Variants in JAKMIP3 observed in about 807,000 individuals in gnomAD.
The protein encoded by JAKMIP3 is Janus kinase and microtubule interacting protein 3, also known as janus kinase and microtubule-interacting protein 3.
In JAKMIP3, 58 loss-of-function variants were observed where a neutral mutation model predicts 118.5. That is an observed-to-expected ratio of 0.49 (90% CI 0.40 to 0.61). JAKMIP3 has a LOEUF of 0.61. JAKMIP3 is among the 20% of genes least tolerant of loss of function. JAKMIP3 has a pLI of 0.00. For synonymous variants in JAKMIP3, 486 were observed against 451.2 expected (o/e 1.08, Z -0.98); for missense variants, 950 against 1,109.0 (o/e 0.86, Z 2.04).
At position 132,139,332 on chromosome 10, in the gene JAKMIP3, T is replaced by G. The variant is rs112482683; in HGVS notation, c.1345-1119T>G. Among the ~76,000 whole-genome samples the G allele has an allele frequency of 4.9e-4, 67 of 137,796 alleles. 2 individuals are homozygous for G. The Middle Eastern group carries it at 0.012, about 25-fold the overall frequency. 90.4% of individuals were successfully genotyped at this position (137,796 alleles called of 152,430 possible). ...AGTGTGTATGTGTATGTGTGTGTGT[T>G]TGTATGTGTGTACATGTGAGTGTAT... On this transcript the variant is annotated intron_variant, in intron 9 of 23. Coordinates refer to ENST00000684848, the MANE Select transcript of JAKMIP3 (RefSeq NM_001323087.2).
chr10:132,175,093 GA>G (rs2060027045), intron 23 of JAKMIP3, among the ~76,000 whole-genome samples: 2 of 152,132 alleles, frequency 1.3e-5, no homozygotes, highest in East Asian at 3.8e-4. Context: ...TTAAAGAGCA[GA>G]AATTCTTAAT....
chr10:132,109,073 T>TACAC (rs137985077), intron 2 of JAKMIP3, among the ~76,000 whole-genome samples: 136,716 of 140,928 alleles, frequency 0.97, 66,435 homozygotes, highest in East Asian at 0.99. Context: ...TATACACACA[T>TACAC]ACACATATAT....
intron 13 of JAKMIP3, among the ~76,000 whole-genome samples, chr10:132,146,780 G>A (rs1231825328): frequency 2.6e-5 from 4 of 152,178 alleles, no homozygotes; most frequent in African/African-American, 4.8e-5. Flanking sequence ...CTTGAATGGC[G>A]AACGACACCC....
At chr10:132,135,726 C>T (rs1396499062) in intron 5 of JAKMIP3, among the ~76,000 whole-genome samples, 1 of 152,086 alleles carries the variant, frequency 6.6e-6, no homozygotes, top group African/African-American at 2.4e-5. Flanking sequence ...GGGCACTGGA[C>T]GAGCAGGTTC....
chr10:132,064,712 T>C (rs1039154482), upstream of JAKMIP3, among the ~76,000 whole-genome samples: 1 of 152,188 alleles, frequency 6.6e-6, no homozygotes, highest in Non-Finnish European at 1.5e-5. This position sits in a 1 kb window ranked among gnomAD's most constrained non-coding sequence, Gnocchi z 4.4. Flanking sequence ...TGGCCAGACG[T>C]GTGGCCATGG....
rs1010997912 is a variant in JAKMIP3 at position 132,135,607 on chromosome 10, G to C, written c.970-323G>C. ...GACAAAGCGCTGGCCCCAGACTGCT[G>C]GTCTTCATCTTCATCCCCATCTGTC... On this transcript the variant is annotated intron_variant, in intron 5 of 23. Transcript: ENST00000684848. 2.0e-5 allele frequency among the ~76,000 whole-genome samples: 3 copies of C among 152,252 alleles called. No homozygotes were observed. The East Asian group carries it at 5.8e-4, about 29-fold the overall frequency.
chr10:132,076,963 C>T (rs1488226974), intron 1 of JAKMIP3, among the ~76,000 whole-genome samples: 1 of 151,794 alleles, frequency 6.6e-6, no homozygotes, highest in African/African-American at 2.4e-5. Context: ...GGCCCCGGGT[C>T]TGACTGATTG....
intron 1 of JAKMIP3, among the ~76,000 whole-genome samples, chr10:132,038,236 C>T (rs2037581560): frequency 6.6e-6 from 1 of 152,128 alleles, no homozygotes; most frequent in South Asian, 2.1e-4. Context: ...ATGAAGAGGA[C>T]TGGTGGTGGG....
intron 6 of JAKMIP3, among the ~76,000 whole-genome samples, 171 bp downstream of exon 6, chr10:132,136,247 G>A (rs2051745134): frequency 2.0e-5 from 3 of 152,246 alleles, no homozygotes. Context: ...GCCAAGCCCA[G>A]CCCTGGGGAG....
chr10:132,072,948 CTG>C (rs1338320657), intron 1 of JAKMIP3, among the ~76,000 whole-genome samples: 3 of 152,144 alleles, frequency 2.0e-5, no homozygotes, highest in Non-Finnish European at 4.4e-5. Context: ...CTGTTCCACT[CTG>C]TCTGTCCGTG....
At chr10:132,061,721 A>G (rs1316485301), upstream of JAKMIP3, among the ~76,000 whole-genome samples, 1 of 152,226 alleles carries the variant, frequency 6.6e-6, no homozygotes, top group African/African-American at 2.4e-5. Flanking sequence ...GGCTTTCCAC[A>G]TGGAGAAGAC....
chr10:132,075,369 A>ATTTT (rs35437245), intron 1 of JAKMIP3, among the ~76,000 whole-genome samples: 5 of 128,962 alleles, frequency 3.9e-5, no homozygotes, highest in African/African-American at 1.4e-4. Flanking sequence ...AAATTTTTCC[A>ATTTT]TTTTTTTTTT....
rs1222001982 is a variant in JAKMIP3 at position 132,118,585 on chromosome 10, G to C, written c.633+1011G>C. ...GGCCAGCATGTGGAACTCCCAGAGA[G>C]GGGCAGCCGCTCTCCACACCCACAG... On this transcript the variant is annotated intron_variant, in intron 3 of 23. Coordinates refer to ENST00000684848, the MANE Select transcript of JAKMIP3 (RefSeq NM_001323087.2). This position sits in a 1 kb window ranked among gnomAD's most constrained non-coding sequence, Gnocchi z 4.8. 6.6e-6 allele frequency among the ~76,000 whole-genome samples: 1 copy of C among 152,216 alleles called. No individual in the cohort carries two copies. The highest frequency in any genetic ancestry group is 2.4e-5 in the African/African-American group (1 of 41,458).
intron 1 of JAKMIP3, among the ~76,000 whole-genome samples, chr10:132,072,822 G>A (rs1418404214): frequency 6.6e-6 from 1 of 150,484 alleles, no homozygotes; most frequent in Non-Finnish European, 1.5e-5. Flanking sequence ...ATATTGTACA[G>A]TGGCGACGGC....
chr10:132,100,187 A>ACCCCCCGCACG (rs1564895779), intron 1 of JAKMIP3, among the ~76,000 whole-genome samples: 9 of 151,140 alleles, frequency 6.0e-5, no homozygotes, highest in East Asian at 3.9e-4. Context: ...CCCCCCGCAC[A>ACCCCCCGCACG]GACCCCCACA....
At chr10:132,114,387 T>A (rs961062326) in intron 2 of JAKMIP3, among the ~76,000 whole-genome samples, 1 of 152,226 alleles carries the variant, frequency 6.6e-6, no homozygotes, top group Non-Finnish European at 1.5e-5. Flanking sequence ...GCTAATTTTT[T>A]AATTAATTTA....
At chr10:132,134,997 GCTTGTGGGTAGGA>G in intron 4 of JAKMIP3, 31 bp from the exon 5 acceptor site, 1 of 1,600,956 alleles carries the variant, frequency 6.2e-7, no homozygotes, top group African/African-American at 1.3e-5. Context: ...GGCTTCCCAG[GCTTGTGGGTAGGA>G]ACCGTTATTT....
At chr10:132,135,673 C>T (rs1165281637) in intron 5 of JAKMIP3, among the ~76,000 whole-genome samples, 1 of 152,236 alleles carries the variant, frequency 6.6e-6, no homozygotes, top group Non-Finnish European at 1.5e-5. Flanking sequence ...GAGCCCAGCC[C>T]TGAGCTTGGG....
In JAKMIP3 at chr10:132,132,822, G is replaced by A. The variant is rs11146203; in HGVS notation, c.634-490G>A. ...CTGGGCTGGGGAAGGGGTAGCACTG[G>A]CTTTCAGGCCAGAATTTCTGTTCCC... On this transcript the variant is annotated intron_variant, in intron 3 of 23. Transcript: ENST00000684848. 1.7e-3 allele frequency among the ~76,000 whole-genome samples: 265 copies of A among 152,262 alleles called. 1 individual carries two copies. Among genetic ancestry groups the A allele is most frequent in the Non-Finnish European group, 2.9e-3 (200 of 68,004 alleles).
Sources: gnomAD v4.1 joint callset for allele counts (sites outside exome capture counted in the v4.1 genomes callset) on GRCh38, gnomAD v4.1.1 for gene constraint, Gnocchi (gnomAD v3.1) non-coding constraint, MANE v1.5 for transcripts, NCBI Gene and HGNC (gene_info 2026-07-23, HGNC 2026-07-21) for gene names.